Variants in DPP10 observed in about 807,000 individuals in gnomAD.
DPP10 encodes the protein inactive dipeptidyl peptidase 10.
Under a neutral mutation model 120.9 loss-of-function variants are expected in DPP10, and 33 were observed. The observed-to-expected ratio is 0.27, with a 90% CI of 0.21 to 0.37. The LOEUF is 0.37. Ranked by LOEUF, DPP10 falls within the 10% of genes least tolerant of loss-of-function variation. The pLI, the probability that DPP10 is intolerant of heterozygous loss-of-function variation, is 1.00. For missense variants in DPP10, 816 were observed against 942.8 expected (o/e 0.87, Z 1.76); for synonymous variants, 337 against 326.1 (o/e 1.03, Z -0.36).
chr2:115,456,994 G>T (rs1574903438), intron 3 of DPP10, among the ~76,000 whole-genome samples: 2 of 151,656 alleles, frequency 1.3e-5, no homozygotes, highest in African/African-American at 4.8e-5. Flanking sequence ...GAAATTGGAG[G>T]AATTGCCATA....
intron 3 of DPP10, among the ~76,000 whole-genome samples, chr2:115,368,391 A>G (rs1485315369): frequency 6.6e-6 from 1 of 152,140 alleles, no homozygotes; most frequent in Admixed American, 6.6e-5. Context: ...AGGATGTAAT[A>G]TATGTGAACT....
chr2:114,594,150 G>A (rs1573745482), intron 1 of DPP10, among the ~76,000 whole-genome samples: 1 of 152,014 alleles, frequency 6.6e-6, no homozygotes, highest in Non-Finnish European at 1.5e-5. Flanking sequence ...CAGCTGCCAA[G>A]GAATATAAAG....
chr2:115,649,553 T>C (rs1210193645), intron 5 of DPP10, among the ~76,000 whole-genome samples: 1 of 152,108 alleles, frequency 6.6e-6, no homozygotes, highest in East Asian at 1.9e-4. Context: ...TATATCATCT[T>C]TTACAATAAA....
intron 1 of DPP10, among the ~76,000 whole-genome samples, chr2:114,885,101 G>A (rs993377266): frequency 2.6e-5 from 4 of 152,160 alleles, no homozygotes; most frequent in Admixed American, 1.3e-4. Flanking sequence ...ACTTGAGACC[G>A]GGTAATTTAT....
chr2:115,101,376 T>C (rs1398941560), intron 1 of DPP10, among the ~76,000 whole-genome samples: 1 of 152,196 alleles, frequency 6.6e-6, no homozygotes, highest in Non-Finnish European at 1.5e-5. Flanking sequence ...TGGTATATAG[T>C]ATAATTCTCC....
intron 1 of DPP10, among the ~76,000 whole-genome samples, chr2:114,518,815 C>T (rs1309983197): frequency 2.0e-5 from 3 of 152,184 alleles, no homozygotes; most frequent in African/African-American, 7.2e-5. Flanking sequence ...CTGGTTTTAG[C>T]TCTGCCACTA....
chr2:114,463,057 T>C (rs191655963), intron 1 of DPP10, among the ~76,000 whole-genome samples: 18 of 152,238 alleles, frequency 1.2e-4, no homozygotes, highest in African/African-American at 3.4e-4. Context: ...GTTTCTTTCA[T>C]TGGAGAATGG....
chr2:115,143,505 C>G (rs569407675), intron 1 of DPP10, among the ~76,000 whole-genome samples: 1 of 152,242 alleles, frequency 6.6e-6, no homozygotes, highest in Admixed American at 6.5e-5. Flanking sequence ...ATAAATGGAT[C>G]TGATAAGTGG....
intron 1 of DPP10, among the ~76,000 whole-genome samples, chr2:114,666,458 A>G (rs998306440): frequency 6.6e-6 from 1 of 152,232 alleles, no homozygotes; most frequent in African/African-American, 2.4e-5. Context: ...ATATGAAAAC[A>G]TGAAGACCTA....
At chr2:115,416,273 T>G (rs1340122684) in intron 3 of DPP10, among the ~76,000 whole-genome samples, 1 of 152,088 alleles carries the variant, frequency 6.6e-6, no homozygotes, top group Admixed American at 6.6e-5. Flanking sequence ...AATCCACACT[T>G]ATTGGTTTCC....
intron 2 of DPP10, among the ~76,000 whole-genome samples, chr2:115,339,031 G>T (rs2106230299): frequency 6.6e-6 from 1 of 152,044 alleles, no homozygotes; most frequent in East Asian, 1.9e-4. Flanking sequence ...CAGACTGGAG[G>T]GAAATATTTG....
intron 1 of DPP10, among the ~76,000 whole-genome samples, chr2:114,614,228 T>C (rs559759478): frequency 1.6e-4 from 25 of 152,298 alleles, no homozygotes; most frequent in Non-Finnish European, 3.2e-4. Context: ...CATCACCGGA[T>C]TTTTGCAGGT....
chr2:115,102,257 C>T (rs1043831989), intron 1 of DPP10, among the ~76,000 whole-genome samples: 26 of 152,108 alleles, frequency 1.7e-4, no homozygotes, highest in Admixed American at 1.5e-3. Flanking sequence ...CACAGGGGCT[C>T]CAACCCTCAT....
At chr2:114,909,695 C>T (rs1694222201) in intron 1 of DPP10, among the ~76,000 whole-genome samples, 1 of 151,898 alleles carries the variant, frequency 6.6e-6, no homozygotes, top group Non-Finnish European at 1.5e-5. Flanking sequence ...ATTTTTGTGC[C>T]TTAGAAAAAA....
intron 1 of DPP10, among the ~76,000 whole-genome samples, chr2:115,192,926 A>G (rs2054987430): frequency 6.6e-6 from 1 of 151,770 alleles, no homozygotes; most frequent in East Asian, 1.9e-4. Flanking sequence ...TTTACACGGA[A>G]TTTCCTTTAC....
chr2:115,279,641 C>CTT (rs1200835822), intron 1 of DPP10, among the ~76,000 whole-genome samples: 1 of 66,402 alleles, frequency 1.5e-5, no homozygotes, highest in Non-Finnish European at 3.3e-5. Context: ...TTCTTTCTTT[C>CTT]TTTTTTTCTT....
At chr2:114,597,269 G>C (rs576704313) in intron 1 of DPP10, among the ~76,000 whole-genome samples, 1 of 152,060 alleles carries the variant, frequency 6.6e-6, no homozygotes, top group African/African-American at 2.4e-5. Context: ...AGATACATAG[G>C]GGAATGGTGG....
At chr2:115,776,862 GT>G (rs5833636) in intron 13 of DPP10, among the ~76,000 whole-genome samples, 111,410 of 149,474 alleles carry the variant, frequency 0.75, 42,086 homozygotes, top group East Asian at 0.93. Flanking sequence ...GTTCTAAAAT[GT>G]TTTTTTTTTT....
chr2:114,522,947 C>T (rs1685195875), intron 1 of DPP10, among the ~76,000 whole-genome samples: 2 of 152,202 alleles, frequency 1.3e-5, no homozygotes, highest in Non-Finnish European at 1.5e-5. Context: ...TCAATTACCT[C>T]CCGCTGAGTT....
Sources: gnomAD v4.1 joint callset for allele counts (sites outside exome capture counted in the v4.1 genomes callset) on GRCh38, gnomAD v4.1.1 for gene constraint, MANE v1.5 for transcripts, NCBI Gene and HGNC (gene_info 2026-07-23, HGNC 2026-07-21) for gene names.